The following KCTD5 variants were observed in gnomAD, a reference collection of about 807,000 sequenced individuals.
The protein encoded by KCTD5 is BTB/POZ domain-containing protein KCTD5.
Under a neutral mutation model 27.9 loss-of-function variants are expected in KCTD5, and 12 were observed. The observed-to-expected ratio is 0.43, with a 90% CI of 0.28 to 0.70. KCTD5 has a LOEUF of 0.70. Ranked by LOEUF, KCTD5 falls within the 30% of genes least tolerant of loss-of-function variation. KCTD5 has a pLI of 0.19. For missense variants in KCTD5, 226 were observed against 274.8 expected (o/e 0.82, Z 1.26); for synonymous variants, 147 against 121.4 (o/e 1.21, Z -1.39).
chr16:2,690,745 C>T (rs1184902320), intron 1 of KCTD5, among the ~76,000 whole-genome samples: 12 of 152,212 alleles, frequency 7.9e-5, no homozygotes, highest in Admixed American at 3.9e-4. Flanking sequence ...GGGCAGGCGC[C>T]GCTGATGGCC....
rs2142058779 is a variant in KCTD5, at chr16:2,702,372, C to G, written c.569C>G (p.Ser190Cys). 1 of 1,613,540 alleles carries G rather than the reference C, an allele frequency of 6.2e-7. No homozygotes were observed. The highest frequency in any genetic ancestry group is 8.5e-7 in the Non-Finnish European group (1 of 1,179,958). ...TTGCAGTTGGTCAGCATCGGCTCCT[C>G]TTACAACTATGGGAACGAAGACCAA... ...KFEQLVSIGS[S>C]YNYGNEDQAE... The change falls in exon 5 of 6, where the codon TCT becomes TGT. Residue 190 changes from serine to cysteine, a missense_variant. Ser to Cys is a moderately radical substitution (Grantham distance 112). Transcript: ENST00000301738.
chr16:2,707,080 G>C (rs1476696950), intron 5 of KCTD5, among the ~76,000 whole-genome samples: 1 of 152,120 alleles, frequency 6.6e-6, no homozygotes, highest in Non-Finnish European at 1.5e-5. Context: ...GCCATGCACA[G>C]TGAGCGCTCC....
At chr16:2,692,291 A>C (rs570172337) in intron 1 of KCTD5, among the ~76,000 whole-genome samples, 103 of 152,260 alleles carry the variant, frequency 6.8e-4, no homozygotes, top group African/African-American at 2.4e-3. Context: ...AGGAAGAATG[A>C]GGTAGCAGAC....
chr16:2,691,004 G>C (rs1431044004), intron 1 of KCTD5, among the ~76,000 whole-genome samples: 1 of 152,232 alleles, frequency 6.6e-6, no homozygotes, highest in Non-Finnish European at 1.5e-5. Flanking sequence ...CACTGTCTGG[G>C]CCTGGGCTGG....
intron 3 of KCTD5, chr16:2,699,070 A>C (rs2067599496): frequency 2.2e-6 from 1 of 450,990 alleles, no homozygotes; most frequent in Admixed American, 2.4e-5. Context: ...TGCCTTTGTC[A>C]CTCAGGCATC....
rs1162775038 is a variant in KCTD5, at chr16:2,707,421, TG to T, written c.*95del. ...GGAAGCTTGGCTGTGAGAAGAAACC[TG>T]CTTTTGATCATTTTTCTAGAGATCT... On this transcript the variant is annotated 3_prime_UTR_variant, in exon 6 of 6. Transcript: ENST00000301738. The T allele has an allele frequency of 7.8e-7, 1 of 1,277,948 alleles. No individual in the cohort carries two copies. Among genetic ancestry groups the T allele is most frequent in the African/African-American group, 1.5e-5 (1 of 68,284 alleles). The allele number at this position is 1,277,948 out of a possible 1,614,324, so 79.2% of individuals were successfully genotyped here. A position where few individuals can be genotyped will look rare whatever the true frequency, so the allele number is the denominator to read the frequency against.
intron 5 of KCTD5, 81 bp from the exon 6 acceptor site, chr16:2,707,217 G>T: frequency 2.2e-6 from 3 of 1,393,274 alleles, no homozygotes; most frequent in Non-Finnish European, 3.0e-6. Flanking sequence ...AGGCCTGTGG[G>T]CTCTGTTTTC....
intron 5 of KCTD5, 25 bp from the exon 6 acceptor site, chr16:2,707,273 A>G: frequency 6.2e-7 from 1 of 1,612,030 alleles, no homozygotes; most frequent in East Asian, 2.2e-5. Context: ...CCAAGTCCTC[A>G]TTTTATGCAT....
intron 3 of KCTD5, 64 bp downstream of exon 3, chr16:2,698,061 T>G: frequency 8.0e-7 from 1 of 1,245,304 alleles, no homozygotes; most frequent in Non-Finnish European, 1.2e-6. Context: ...TCCCCTTTAC[T>G]CCCCCGACCG....
In KCTD5 at chr16:2,707,640, G is replaced by C; in HGVS notation, c.*313G>C. The C allele has an allele frequency of 1.7e-6, 1 of 597,132 alleles. No homozygotes were observed. Among genetic ancestry groups the C allele is most frequent in the Non-Finnish European group, 3.0e-6 (1 of 335,506 alleles). 37.0% of individuals were successfully genotyped at this position (597,132 alleles called of 1,614,324 possible). ...CCCAGTCAGCCCGCTCGATCCTGAA[G>C]ATCGTGTGAAGGAAGCGTTCTTGGT... On this transcript the variant is annotated 3_prime_UTR_variant, in exon 6 of 6. Coordinates refer to ENST00000301738, the MANE Select transcript of KCTD5 (RefSeq NM_018992.4).
intron 5 of KCTD5, among the ~76,000 whole-genome samples, chr16:2,704,341 G>A (rs1251504540): frequency 6.6e-6 from 1 of 152,230 alleles, no homozygotes; most frequent in Non-Finnish European, 1.5e-5. Context: ...CCTCGTCGCT[G>A]GTGTCCCTGC....
At position 2,702,400 on chromosome 16, in the gene KCTD5, C is replaced by T. The variant is rs559172611; in HGVS notation, c.597C>T (p.Ala199=). The T allele has an allele frequency of 9.3e-6, 15 of 1,613,508 alleles. No individual in the cohort carries two copies. The East Asian group carries it at 2.0e-4, about 22-fold the overall frequency. Residue 199 remains alanine (A), a synonymous_variant, in exon 5 of 6, where the codon GCC becomes GCT. Transcript: ENST00000301738. The part of the protein sequence containing the change: ...SSYNYGNEDQ[A]EFLCVVSKEL... ...ACAACTATGGGAACGAAGACCAAGC[C>T]GAGTTCCTCTGTGTGGTGTCCAAGG... is the stretch of plus-strand genomic sequence containing the variant.
Sources: allele counts gnomAD v4.1 joint callset (sites outside exome capture counted in the v4.1 genomes callset), GRCh38; gene constraint gnomAD v4.1.1; transcripts MANE v1.5; gene names NCBI Gene and HGNC (gene_info 2026-07-23, HGNC 2026-07-21).